Variants in OPCML observed in about 807,000 individuals in gnomAD.
OPCML encodes the protein opioid-binding protein/cell adhesion molecule.
A neutral mutation model predicts 37.8 loss-of-function variants in OPCML; 13 were observed. That is an observed-to-expected ratio of 0.34 (90% CI 0.22 to 0.55). OPCML has a LOEUF of 0.55. OPCML is among the 20% of genes least tolerant of loss of function. The pLI, the probability that OPCML is intolerant of heterozygous loss-of-function variation, is 0.91. For missense variants in OPCML, 341 were observed against 435.6 expected, an observed-to-expected ratio of 0.78 and a Z score of 1.93; for synonymous variants, 176 against 168.8, an observed-to-expected ratio of 1.04 and a Z score of -0.33.
intron 2 of OPCML, among the ~76,000 whole-genome samples, chr11:132,714,341 T>C (rs1784184): frequency 0.07 from 10,633 of 152,270 alleles, 539 homozygotes; most frequent in African/African-American, 0.14. Flanking sequence ...GGATACCACA[T>C]CAGTCTGAAA....
intron 2 of OPCML, among the ~76,000 whole-genome samples, chr11:132,667,696 A>G (rs960321905): frequency 2.6e-5 from 4 of 152,228 alleles, no homozygotes; most frequent in African/African-American, 7.2e-5. Context: ...TCTTTTCTCC[A>G]AAGTGGAAGA....
At chr11:132,664,905 G>A (rs1193992878) in intron 2 of OPCML, among the ~76,000 whole-genome samples, 1 of 152,162 alleles carries the variant, frequency 6.6e-6, no homozygotes, top group Non-Finnish European at 1.5e-5. Context: ...GAAAAATGGT[G>A]AGGGATAAGA....
At chr11:132,603,571 C>T (rs1006889818) in intron 3 of OPCML, among the ~76,000 whole-genome samples, 1 of 152,238 alleles carries the variant, frequency 6.6e-6, no homozygotes, top group Non-Finnish European at 1.5e-5. Flanking sequence ...CCAATTCATC[C>T]TCCCTCTGTC....
At chr11:132,862,172 T>G (rs1327856806) in intron 2 of OPCML, among the ~76,000 whole-genome samples, 1 of 152,198 alleles carries the variant, frequency 6.6e-6, no homozygotes, top group Non-Finnish European at 1.5e-5. Context: ...AAAAATACCA[T>G]GTATTTTAGA....
At chr11:132,877,314 A>G (rs547857719) in intron 2 of OPCML, among the ~76,000 whole-genome samples, 2 of 152,332 alleles carry the variant, frequency 1.3e-5, no homozygotes, top group East Asian at 1.9e-4. Context: ...AAGATGCAAT[A>G]TTCACTTGAA....
chr11:133,109,039 T>C (rs1273291302), intron 1 of OPCML, among the ~76,000 whole-genome samples: 2 of 152,190 alleles, frequency 1.3e-5, no homozygotes, highest in African/African-American at 4.8e-5. Flanking sequence ...TCTTAATGTC[T>C]TTACTGGGTT....
At chr11:132,624,072 T>C (rs1939591275) in intron 3 of OPCML, among the ~76,000 whole-genome samples, 1 of 152,238 alleles carries the variant, frequency 6.6e-6, no homozygotes, top group Non-Finnish European at 1.5e-5. Context: ...TTTGGTGAGA[T>C]CATAATAAGG....
intron 1 of OPCML, among the ~76,000 whole-genome samples, chr11:133,504,549 G>A (rs1033925529): frequency 1.3e-5 from 2 of 152,168 alleles, no homozygotes; most frequent in African/African-American, 4.8e-5. Context: ...AGACTTTTGT[G>A]AGTGCTGAGA....
At chr11:132,694,248 G>C (rs927202463) in intron 2 of OPCML, among the ~76,000 whole-genome samples, 1 of 138,518 alleles carries the variant, frequency 7.2e-6, no homozygotes, top group Non-Finnish European at 1.5e-5. Context: ...CATCAGGCTG[G>C]AGTGCAGTGG....
intron 2 of OPCML, among the ~76,000 whole-genome samples, chr11:132,868,844 C>A (rs952917904): frequency 6.6e-6 from 1 of 152,120 alleles, no homozygotes; most frequent in Non-Finnish European, 1.5e-5. Flanking sequence ...ACTTTGAGGG[C>A]AGGAAGTGCA....
In OPCML at chr11:133,260,977, C is replaced by G. The variant is rs79533866; in HGVS notation, c.61+271287G>C. Among the ~76,000 whole-genome samples, 1,117 of 152,276 alleles carry G rather than the reference C, an allele frequency of 7.3e-3. 11 individuals carry two copies. Among genetic ancestry groups the G allele is most frequent in the African/African-American group, 0.025 (1,022 of 41,562 alleles). The stretch of plus-strand genomic sequence containing the variant: ...GAACACTAATTTTTTGTTCTGGCAT[C>G]TCCGAAGTGCAGCTCCAGGTGACCT... On this transcript the variant is annotated intron_variant, in intron 1 of 7. Transcript: ENST00000524381.
chr11:133,130,053 T>C (rs1949579661), intron 1 of OPCML, among the ~76,000 whole-genome samples: 1 of 152,098 alleles, frequency 6.6e-6, no homozygotes, highest in Non-Finnish European at 1.5e-5. Flanking sequence ...AAAACAGTTA[T>C]TATAACTGTA....
chr11:132,638,186 T>TATATATATATATATATATTC (rs71067383), intron 3 of OPCML, among the ~76,000 whole-genome samples: 33 of 131,012 alleles, frequency 2.5e-4, no homozygotes, highest in Admixed American at 1.7e-3. Context: ...TATATATATA[T>TATATATATATATATATATTC]ACAGAGAGAG....
intron 3 of OPCML, among the ~76,000 whole-genome samples, chr11:132,548,118 C>T (rs1320459567): frequency 6.6e-6 from 1 of 152,086 alleles, no homozygotes; most frequent in Admixed American, 6.6e-5. Flanking sequence ...TGTGGAGACT[C>T]AGAATGGTTA....
chr11:132,985,818 C>T (rs1946674283), intron 1 of OPCML, among the ~76,000 whole-genome samples: 1 of 152,164 alleles, frequency 6.6e-6, no homozygotes, highest in Non-Finnish European at 1.5e-5. Flanking sequence ...CCTAATAGGC[C>T]TATTCTTCCT....
Position 133,025,183 on chromosome 11 carries a change from G to A in OPCML, c.62-82173C>T, listed in dbSNP as rs575232568. The A allele has an allele frequency of 1.1e-4, 60 of 547,806 alleles. No homozygotes were observed. In the Middle Eastern group the frequency reaches 2.8e-3, roughly 26 times the overall value. The allele number at this position is 547,806 out of a possible 1,614,324, so 33.9% of individuals were successfully genotyped here. A position where few individuals can be genotyped will look rare whatever the true frequency, so the allele number is the denominator to read the frequency against. ...ACAACCCAATGGTAAGCATAAATACGCAAATATGGGGTGACTTATTCTATA... is the reference window on the plus strand; with the variant it reads ...ACAACCCAATGGTAAGCATAAATACACAAATATGGGGTGACTTATTCTATA... On this transcript the variant is annotated intron_variant, in intron 1 of 7. Coordinates refer to ENST00000524381, the MANE Select transcript of OPCML (RefSeq NM_001012393.5).
intron 2 of OPCML, among the ~76,000 whole-genome samples, chr11:132,788,431 T>C (rs1937657251): frequency 3.9e-5 from 6 of 152,218 alleles, no homozygotes; most frequent in Admixed American, 3.9e-4. Context: ...CCATTACTGC[T>C]CCTTATATCT....
chr11:133,455,404 G>T (rs1424042447), intron 1 of OPCML, among the ~76,000 whole-genome samples: 1 of 152,102 alleles, frequency 6.6e-6, no homozygotes, highest in Admixed American at 6.5e-5. Flanking sequence ...GAGGCAGTTT[G>T]GGGGTTCTTT....
intron 1 of OPCML, among the ~76,000 whole-genome samples, chr11:133,056,930 G>A (rs951272971): frequency 6.6e-6 from 1 of 152,124 alleles, no homozygotes; most frequent in Non-Finnish European, 1.5e-5. Flanking sequence ...CACAACCTCC[G>A]CCTTCCGGGT....
Sources: allele counts gnomAD v4.1 joint callset (sites outside exome capture counted in the v4.1 genomes callset), GRCh38; gene constraint gnomAD v4.1.1; transcripts MANE v1.5; gene names NCBI Gene and HGNC (gene_info 2026-07-23, HGNC 2026-07-21).